Variants in ZNF831 observed in about 807,000 individuals in gnomAD.
The protein encoded by ZNF831 is zinc finger protein 831.
Under a neutral mutation model 95.8 loss-of-function variants are expected in ZNF831, and 59 were observed. The ratio of observed to expected loss-of-function variants is 0.62; its 90% CI spans 0.50 to 0.77. The LOEUF is 0.77. Among genes scored for constraint, ZNF831 ranks in the 30% least tolerant of loss-of-function variants. ZNF831 has a pLI of 0.00. For synonymous variants in ZNF831, 961 were observed against 925.5 expected (o/e 1.04, Z -0.70); for missense variants, 2,205 against 2,164.0 (o/e 1.02, Z -0.38).
chr20:59,209,145 G>A (rs1015410122), intron 4 of ZNF831, among the ~76,000 whole-genome samples: 2 of 152,188 alleles, frequency 1.3e-5, no homozygotes, highest in African/African-American at 2.4e-5. Flanking sequence ...GGGACATCTC[G>A]TGTCTGTCTG....
chr20:59,202,011 A>G (rs967613516), intron 3 of ZNF831, among the ~76,000 whole-genome samples: 7 of 152,206 alleles, frequency 4.6e-5, no homozygotes, highest in African/African-American at 1.7e-4. Context: ...GGCTTACCTC[A>G]TCTGTTTCTC....
At chr20:59,224,597 A>G (rs1796045620) in intron 4 of ZNF831, among the ~76,000 whole-genome samples, 1 of 152,232 alleles carries the variant, frequency 6.6e-6, no homozygotes, top group Admixed American at 6.5e-5. Context: ...GGCAACTGCT[A>G]GGCATTAGAC....
intron 4 of ZNF831, among the ~76,000 whole-genome samples, chr20:59,247,140 G>GAATAATTAC (rs1987652000): frequency 6.6e-6 from 1 of 152,200 alleles, no homozygotes; most frequent in African/African-American, 2.4e-5. Flanking sequence ...AAAATTGGTT[G>GAATAATTAC]AATAATTACA....
chr20:59,145,211 C>G (rs917874084), intron 1 of ZNF831, among the ~76,000 whole-genome samples: 1 of 152,158 alleles, frequency 6.6e-6, no homozygotes, highest in Non-Finnish European at 1.5e-5. Flanking sequence ...CCACATGTAT[C>G]CTTTCTGGCC....
At chr20:59,152,636 G>A (rs984637354) in intron 2 of ZNF831, among the ~76,000 whole-genome samples, 75 of 152,172 alleles carry the variant, frequency 4.9e-4, no homozygotes, top group African/African-American at 1.7e-3. Context: ...GAACTCTGGG[G>A]AATCTGAGCT....
At chr20:59,126,487 A>AG (rs889845186) in intron 1 of ZNF831, among the ~76,000 whole-genome samples, 20 of 152,094 alleles carry the variant, frequency 1.3e-4, no homozygotes, top group African/African-American at 4.8e-4. Flanking sequence ...TGCACACTGA[A>AG]GTTTGTTTCT....
At chr20:59,144,680 A>G (rs577194709) in intron 1 of ZNF831, among the ~76,000 whole-genome samples, 2 of 152,262 alleles carry the variant, frequency 1.3e-5, no homozygotes, top group Non-Finnish European at 2.9e-5. Flanking sequence ...TGACTCATAG[A>G]AACCCTCAAA....
chr20:59,183,171 C>T (rs747370004), intron 1 of ZNF831, among the ~76,000 whole-genome samples: 5 of 152,128 alleles, frequency 3.3e-5, no homozygotes, highest in Admixed American at 6.5e-5. Flanking sequence ...ACGTGGGAAC[C>T]GTGGTTGGAC....
chr20:59,167,823 G>A (rs578177141), intron 1 of ZNF831, among the ~76,000 whole-genome samples: 1 of 152,162 alleles, frequency 6.6e-6, no homozygotes, highest in African/African-American at 2.4e-5. Flanking sequence ...GCACTGAGCT[G>A]AGATCGTGCC....
intron 4 of ZNF831, among the ~76,000 whole-genome samples, chr20:59,216,196 CT>C (rs1985670619): frequency 1.3e-5 from 2 of 152,320 alleles, no homozygotes; most frequent in Middle Eastern, 3.4e-3. Context: ...CAGTAGGATC[CT>C]CATTGGCTTG....
At chr20:59,223,644 G>C (rs1359976500) in intron 4 of ZNF831, among the ~76,000 whole-genome samples, 1 of 152,120 alleles carries the variant, frequency 6.6e-6, no homozygotes, top group Non-Finnish European at 1.5e-5. Flanking sequence ...GTAAAATGGG[G>C]GTGATAGTAA....
chr20:59,253,578 G>A (rs771223654), intron 5 of ZNF831, among the ~76,000 whole-genome samples: 30 of 152,108 alleles, frequency 2.0e-4, no homozygotes, highest in Non-Finnish European at 2.9e-4. Context: ...TAGTACATCC[G>A]CTTCATGAGC....
chr20:59,127,005 C>T lies in ZNF831; in HGVS notation c.-1425+3500C>T, dbSNP rs1022156270. Reference sequence around the variant, plus strand: ...TGGGTTGCTGCCCCACCCAACTGGTCCCCTCACTGCCCCACTGCCCCTACC... The same window carrying T: ...TGGGTTGCTGCCCCACCCAACTGGTTCCCTCACTGCCCCACTGCCCCTACC... On this transcript the variant is annotated intron_variant, in intron 1 of 7. Coordinates refer to the ZNF831 transcript ENST00000637017. Among the ~76,000 whole-genome samples the T allele has an allele frequency of 2.0e-5, 3 of 152,244 alleles. No individual in the cohort carries two copies. The South Asian group carries it at 6.2e-4, about 32-fold the overall frequency.
At chr20:59,252,345 C>A (rs903618354) in intron 4 of ZNF831, among the ~76,000 whole-genome samples, 1 of 152,102 alleles carries the variant, frequency 6.6e-6, no homozygotes, top group East Asian at 1.9e-4. Flanking sequence ...TGGAACCTGC[C>A]CTCTCTGAAA....
At chr20:59,236,353 G>T (rs1250640411) in intron 4 of ZNF831, among the ~76,000 whole-genome samples, 1 of 152,112 alleles carries the variant, frequency 6.6e-6, no homozygotes, top group African/African-American at 2.4e-5. Context: ...AATATAGAAG[G>T]GTCTTCCTGG....
At chr20:59,148,851 G>A (rs1353784033) in intron 2 of ZNF831, among the ~76,000 whole-genome samples, 1 of 151,986 alleles carries the variant, frequency 6.6e-6, no homozygotes, top group Admixed American at 6.6e-5. Flanking sequence ...CACATACCTG[G>A]TGTGAGTTCT....
chr20:59,172,185 T>C (rs528721997), intron 1 of ZNF831, among the ~76,000 whole-genome samples: 28 of 152,292 alleles, frequency 1.8e-4, no homozygotes, highest in Admixed American at 1.8e-3. Flanking sequence ...TATGATATCA[T>C]AGTAGACTGA....
Position 59,207,308 on chromosome 20 carries a change from T to C in ZNF831, c.4027+252T>C, listed in dbSNP as rs989779408. Among the ~76,000 whole-genome samples the C allele has an allele frequency of 1.8e-4, 27 of 152,358 alleles. No individual in the cohort carries two copies. In the East Asian group the frequency reaches 3.5e-3, roughly 20 times the overall value. On this transcript the variant is annotated intron_variant, in intron 4 of 5. Transcript: ENST00000371030. ...CCAATATCCTTGAGTACTGGCCACC[T>C]GTGCCAAGCTCTGAACCAGGTGCAG...
At chr20:59,154,714 T>A (rs1980434178) in intron 2 of ZNF831, among the ~76,000 whole-genome samples, 1 of 152,242 alleles carries the variant, frequency 6.6e-6, no homozygotes. Flanking sequence ...TGACAACTCA[T>A]GAGCCTTCTG....
Sources: gnomAD v4.1 joint callset for allele counts (sites outside exome capture counted in the v4.1 genomes callset) on GRCh38, gnomAD v4.1.1 for gene constraint, MANE v1.5 for transcripts, NCBI Gene and HGNC (gene_info 2026-07-23, HGNC 2026-07-21) for gene names.